Variants in CCDC66 observed in about 807,000 individuals in gnomAD.
The protein encoded by CCDC66 is coiled-coil domain containing 66.
A neutral mutation model predicts 128.3 loss-of-function variants in CCDC66; 133 were observed. That is an observed-to-expected ratio of 1.04 (90% CI 0.90 to 1.20). The LOEUF is 1.20. Among genes scored for constraint, CCDC66 ranks in the 50% most tolerant of loss-of-function variants. The pLI, the probability that CCDC66 is intolerant of heterozygous loss-of-function variation, is 0.00. For synonymous variants in CCDC66, 387 were observed against 357.0 expected (o/e 1.08, Z -0.95); for missense variants, 1,126 against 1,075.5 (o/e 1.05, Z -0.66).
Position 56,588,951 on chromosome 3 carries a change from CAA to C in CCDC66, c.937-4018_937-4017del, listed in dbSNP as rs545636683. On this transcript the variant is annotated intron_variant, in intron 7 of 17. Transcript: ENST00000394672. ...GAATAGTGACCTAAAGTATTCATCT[CAA>C]GAGGTTAGAGAAAGAACAGCAAAAT... 2.0e-5 allele frequency among the ~76,000 whole-genome samples: 3 copies of C among 152,218 alleles called. No homozygotes were observed. The South Asian group carries it at 6.2e-4, about 32-fold the overall frequency.
At chr3:56,605,703 G>T (rs541899587) in intron 10 of CCDC66, among the ~76,000 whole-genome samples, 1 of 152,102 alleles carries the variant, frequency 6.6e-6, no homozygotes, top group East Asian at 1.9e-4. Flanking sequence ...TGAAGTGTCT[G>T]TCAGCCCCTA....
Position 56,564,037 on chromosome 3 carries a change from A to G in CCDC66, c.456A>G (p.Leu152=). Residue 152 remains leucine, a synonymous_variant, in exon 4 of 18, where the codon CTA becomes CTG. Transcript: ENST00000394672. ...ACATGAAGAGCAGTTTGGTGTGTCT[A>G]ACACAAGACCAACTACAACAGATTT... The part of the protein sequence containing the change: ...AENMKSSLVC[L]TQDQLQQILM... 1 of 1,614,038 alleles carries G rather than the reference A, an allele frequency of 6.2e-7. No individual in the cohort carries two copies.
chr3:56,558,794 A>T, intron 1 of CCDC66, 52 bp from the exon 2 acceptor site: 1 of 1,197,096 alleles, frequency 8.4e-7, no homozygotes, highest in Non-Finnish European at 1.2e-6. Flanking sequence ...CTGGTTATTT[A>T]AAATGTTGCG....
chr3:56,619,703 C>T, intron 16 of CCDC66, 74 bp from the exon 17 acceptor site: 6 of 1,543,880 alleles, frequency 3.9e-6, no homozygotes, highest in Non-Finnish European at 5.2e-6. Flanking sequence ...TGACTCCTGA[C>T]AATATTATAT....
intron 7 of CCDC66, among the ~76,000 whole-genome samples, chr3:56,588,420 C>A (rs753280313): frequency 2.0e-5 from 3 of 151,994 alleles, no homozygotes; most frequent in Non-Finnish European, 4.4e-5. Flanking sequence ...ACTCATGTAA[C>A]CAAATACCAC....
chr3:56,563,204 T>A (rs1577230933), intron 3 of CCDC66, among the ~76,000 whole-genome samples: 1 of 151,584 alleles, frequency 6.6e-6, no homozygotes, highest in East Asian at 2.0e-4. Flanking sequence ...CTACTAAAAA[T>A]ACAAAAACTA....
intron 3 of CCDC66, among the ~76,000 whole-genome samples, chr3:56,562,165 C>A (rs1476776804): frequency 6.6e-6 from 1 of 152,000 alleles, no homozygotes; most frequent in African/African-American, 2.4e-5. Context: ...CTCAGCCTCC[C>A]AAGTAGCTAG....
intron 15 of CCDC66, 74 bp from the exon 16 acceptor site, chr3:56,619,193 CATAA>C (rs756215497): frequency 6.0e-5 from 72 of 1,206,664 alleles, no homozygotes; most frequent in Admixed American, 2.6e-4. Flanking sequence ...GACTTCATCT[CATAA>C]ATAAAGTGAA....
chr3:56,560,234 G>GT (rs1366215188), intron 3 of CCDC66, among the ~76,000 whole-genome samples: 1 of 152,062 alleles, frequency 6.6e-6, no homozygotes, highest in Non-Finnish European at 1.5e-5. Flanking sequence ...TTATCACTTT[G>GT]TTTATTTTAA....
intron 4 of CCDC66, among the ~76,000 whole-genome samples, chr3:56,565,502 A>C (rs1383984060): frequency 1.3e-5 from 2 of 149,560 alleles, no homozygotes; most frequent in African/African-American, 4.9e-5. Context: ...CGTGTTAGCC[A>C]GGATGATCTC....
At chr3:56,596,478 T>C (rs1281742536) in intron 10 of CCDC66, among the ~76,000 whole-genome samples, 1 of 150,946 alleles carries the variant, frequency 6.6e-6, no homozygotes, top group African/African-American at 2.5e-5. Flanking sequence ...GATGAATAGT[T>C]TGCAGATATT....
rs770110705 is a variant in CCDC66 at position 56,621,572 on chromosome 3, T to C, written c.2801T>C (p.Leu934Pro). The C allele has an allele frequency of 1.2e-6, 2 of 1,602,800 alleles. No homozygotes were observed. Among genetic ancestry groups the C allele is most frequent in the African/African-American group, 1.3e-5 (1 of 74,500 alleles). Residue 934 changes from leucine (L) to proline (P), a missense_variant, in exon 18 of 18, where the codon CTG becomes CCG. Physicochemically the swap from Leu to Pro is moderately conservative, Grantham distance 98. Coordinates refer to ENST00000394672, the MANE Select transcript of CCDC66 (RefSeq NM_001141947.3). ...CAAAAGGAGTTGGAAAGTAGTCTCC[T>C]GCCTTTAGCTGAAAATCAAGAAGAG... Reference protein sequence around the residue: ...QKQKELESSLLPLAENQEESF... With the variant: ...QKQKELESSLPPLAENQEESF...
intron 11 of CCDC66, among the ~76,000 whole-genome samples, chr3:56,614,240 T>A (rs1017267397): frequency 6.6e-6 from 1 of 152,190 alleles, no homozygotes; most frequent in Non-Finnish European, 1.5e-5. Flanking sequence ...TCAAATGTTA[T>A]ATTGGTTTGG....
chr3:56,578,499 G>A (rs2067769705), intron 7 of CCDC66, among the ~76,000 whole-genome samples: 1 of 151,780 alleles, frequency 6.6e-6, no homozygotes, highest in Non-Finnish European at 1.5e-5. Flanking sequence ...TTTTCAAAGG[G>A]AACGCTTCCA....
chr3:56,590,755 A>T lies in CCDC66; in HGVS notation c.937-2215A>T, dbSNP rs577374645. Among the ~76,000 whole-genome samples the T allele has an allele frequency of 2.4e-4, 36 of 152,236 alleles. No individual in the cohort carries two copies. The East Asian group carries it at 5.4e-3, about 23-fold the overall frequency. On this transcript the variant is annotated intron_variant, in intron 7 of 17. Transcript: ENST00000394672. ...GTGACAGTGAGACCCTGCCTAAAAAAAAAAAATAAAAACACAAAAGAGAAT... is the reference window on the plus strand; with the variant it reads ...GTGACAGTGAGACCCTGCCTAAAAATAAAAAATAAAAACACAAAAGAGAAT...
At chr3:56,563,626 G>C in intron 3 of CCDC66, 58 bp from the exon 4 acceptor site, 5 of 1,327,852 alleles carry the variant, frequency 3.8e-6, no homozygotes, top group Non-Finnish European at 5.1e-6. Context: ...ATCATATAAA[G>C]ATAATTGGTG....
chr3:56,603,981 A>G (rs1177207549), intron 10 of CCDC66, among the ~76,000 whole-genome samples: 5 of 152,050 alleles, frequency 3.3e-5, no homozygotes, highest in Admixed American at 2.0e-4. Context: ...TGTTTTGGGT[A>G]CATATATATT....
At chr3:56,576,130 ATC>A (rs1242176683) in intron 7 of CCDC66, among the ~76,000 whole-genome samples, 6 of 151,594 alleles carry the variant, frequency 4.0e-5, no homozygotes, top group East Asian at 2.0e-4. Flanking sequence ...TAATATTAAT[ATC>A]TCAATAATAT....
At position 56,617,618 on chromosome 3, in the gene CCDC66, C is replaced by CGAA; in HGVS notation, c.2337+13_2337+14insGAA. 6.3e-7 allele frequency: 1 copy of CGAA among 1,579,436 alleles called. No homozygotes were observed. The highest frequency in any genetic ancestry group is 8.6e-7 in the Non-Finnish European group (1 of 1,168,408). On this transcript the variant is annotated intron_variant, in intron 14 of 17. Coordinates refer to ENST00000394672, the MANE Select transcript of CCDC66 (RefSeq NM_001141947.3). ...TCTAGTCAAAAAGGTAAAGCTCTTC[C>CGAA]ATCTTAGATGATGTGTTGACGTTTC... is the stretch of plus-strand genomic sequence containing the variant.
Sources: gnomAD v4.1 joint callset for allele counts (sites outside exome capture counted in the v4.1 genomes callset) on GRCh38, gnomAD v4.1.1 for gene constraint, MANE v1.5 for transcripts, NCBI Gene and HGNC (gene_info 2026-07-23, HGNC 2026-07-21) for gene names.